PTPRD: variants seen among roughly 807,000 people sequenced by gnomAD.
PTPRD encodes receptor-type tyrosine-protein phosphatase delta.
A neutral mutation model predicts 214.5 loss-of-function variants in PTPRD; 34 were observed. That is an observed-to-expected ratio of 0.16 (90% CI 0.12 to 0.21). The LOEUF is 0.21. Among genes scored for constraint, PTPRD ranks in the 10% least tolerant of loss-of-function variants. The pLI is 1.00. For missense variants in PTPRD, 2,545 were observed against 2,398.7 expected, an observed-to-expected ratio of 1.06 and a Z score of -1.27; for synonymous variants, 1,128 against 845.7, an observed-to-expected ratio of 1.33 and a Z score of -5.79.
chr9:10,369,796 A>G (rs1402526845), intron 2 of PTPRD, among the ~76,000 whole-genome samples: 1 of 152,106 alleles, frequency 6.6e-6, no homozygotes, highest in Non-Finnish European at 1.5e-5. Context: ...TGAGCTACAC[A>G]GCACATTAGA....
intron 11 of PTPRD, among the ~76,000 whole-genome samples, chr9:8,777,167 T>C (rs1323760181): frequency 6.6e-6 from 1 of 151,592 alleles, no homozygotes; most frequent in Non-Finnish European, 1.5e-5. Flanking sequence ...TTTTTAGAGA[T>C]GGGGGTCTTA....
At chr9:8,746,565 G>T (rs1266785162) in intron 11 of PTPRD, among the ~76,000 whole-genome samples, 2 of 152,132 alleles carry the variant, frequency 1.3e-5, no homozygotes, top group Non-Finnish European at 2.9e-5. Flanking sequence ...GGAGTTTAAA[G>T]TCATTAAAAG....
At chr9:10,293,674 A>T (rs1207095597) in intron 3 of PTPRD, among the ~76,000 whole-genome samples, 1 of 151,972 alleles carries the variant, frequency 6.6e-6, no homozygotes, top group Non-Finnish European at 1.5e-5. Flanking sequence ...AAAAGCTTAA[A>T]TTATACATCC....
At chr9:9,883,884 G>C (rs542184876) in intron 5 of PTPRD, among the ~76,000 whole-genome samples, 34 of 152,180 alleles carry the variant, frequency 2.2e-4, no homozygotes, top group African/African-American at 7.9e-4. Flanking sequence ...CAGAAATAAT[G>C]TTCAATGAAA....
chr9:10,521,848 CTACAG>C (rs1299335189), intron 2 of PTPRD, among the ~76,000 whole-genome samples: 1 of 152,076 alleles, frequency 6.6e-6, no homozygotes, highest in Admixed American at 6.6e-5. Flanking sequence ...AATTAATAGG[CTACAG>C]TATAGTTTAG....
chr9:10,202,071 A>C (rs1035389083), intron 3 of PTPRD, among the ~76,000 whole-genome samples: 2 of 152,112 alleles, frequency 1.3e-5, no homozygotes, highest in Non-Finnish European at 2.9e-5. Flanking sequence ...GTGTTTTCAA[A>C]TAGAGGCTGT....
chr9:9,923,543 A>G (rs2083273994), intron 5 of PTPRD, among the ~76,000 whole-genome samples: 1 of 152,018 alleles, frequency 6.6e-6, no homozygotes, highest in Non-Finnish European at 1.5e-5. Context: ...CAAGAATTTC[A>G]GAAATGCTTA....
intron 8 of PTPRD, among the ~76,000 whole-genome samples, chr9:9,524,927 G>T (rs779773503): frequency 6.6e-6 from 1 of 152,122 alleles, no homozygotes; most frequent in Non-Finnish European, 1.5e-5. Flanking sequence ...GCGCAATCTC[G>T]GCTCACTGCA....
intron 7 of PTPRD, among the ~76,000 whole-genome samples, chr9:9,592,078 T>C (rs2092789140): frequency 6.6e-6 from 1 of 152,082 alleles, no homozygotes; most frequent in Admixed American, 6.6e-5. Flanking sequence ...TTCTTAAGGC[T>C]TTTTTCAATA....
chr9:8,531,285 T>A (rs1376346506), intron 14 of PTPRD, among the ~76,000 whole-genome samples: 5 of 152,082 alleles, frequency 3.3e-5, no homozygotes, highest in African/African-American at 1.2e-4. Context: ...GTTTTAATAA[T>A]CTATTCCACA....
Position 8,797,152 on chromosome 9 carries a change from G to A in PTPRD, c.-103-63206C>T, listed in dbSNP as rs746876571. ...GTTATAAAATAAATTCAAGCTTTTC[G>A]AATTTGTCTAGCAGGCTTTCCAATT... On this transcript the variant is annotated intron_variant, in intron 11 of 45. Transcript: ENST00000381196. 4.6e-5 allele frequency: 7 copies of A among 152,120 alleles called. No individual in the cohort carries two copies. The East Asian group carries it at 5.8e-4, about 13-fold the overall frequency. 9.4% of individuals were successfully genotyped at this position (152,120 alleles called of 1,614,324 possible).
chr9:9,920,232 C>T (rs893232401), intron 5 of PTPRD, among the ~76,000 whole-genome samples: 1 of 152,036 alleles, frequency 6.6e-6, no homozygotes, highest in Non-Finnish European at 1.5e-5. Context: ...GTTTGTTTAC[C>T]TCAGCTTTTT....
Position 8,517,304 on chromosome 9 carries a change from C to A in PTPRD, c.1543+544G>T, listed in dbSNP as rs567300036. On this transcript the variant is annotated intron_variant, in intron 21 of 45. Coordinates refer to ENST00000381196, the MANE Select transcript of PTPRD (RefSeq NM_002839.4). The stretch of plus-strand genomic sequence containing the variant: ...TAATCAATCAGGCCCAATGTTCTAT[C>A]TGAGATCTCGGTAACTGTCTCTCTT... Among the ~76,000 whole-genome samples, 7 of 152,254 alleles carry A rather than the reference C, an allele frequency of 4.6e-5. No homozygotes were observed. The East Asian group carries it at 1.2e-3, about 25-fold the overall frequency.
chr9:9,545,988 T>C (rs1031602086), intron 8 of PTPRD, among the ~76,000 whole-genome samples: 8 of 151,902 alleles, frequency 5.3e-5, no homozygotes, highest in African/African-American at 1.7e-4. Flanking sequence ...GTTTCTCACA[T>C]AGATCTTGTC....
chr9:9,381,781 T>C (rs2062369047), intron 9 of PTPRD, among the ~76,000 whole-genome samples: 1 of 152,044 alleles, frequency 6.6e-6, no homozygotes, highest in South Asian at 2.1e-4. Flanking sequence ...TATAGCTTTG[T>C]TATGTATTTT....
At chr9:8,560,108 G>C (rs2085569831) in intron 14 of PTPRD, among the ~76,000 whole-genome samples, 1 of 152,136 alleles carries the variant, frequency 6.6e-6, no homozygotes. Flanking sequence ...AGTGAGGAAA[G>C]AATTATGTTT....
intron 10 of PTPRD, among the ~76,000 whole-genome samples, chr9:9,057,631 C>T (rs1056340905): frequency 2.0e-5 from 3 of 151,436 alleles, no homozygotes; most frequent in Non-Finnish European, 2.9e-5. Flanking sequence ...AATAATTTCT[C>T]GTAAAGTACA....
intron 43 of PTPRD, among the ~76,000 whole-genome samples, chr9:8,336,835 A>G (rs1047137582): frequency 9.9e-5 from 15 of 152,180 alleles, no homozygotes; most frequent in African/African-American, 3.4e-4. Context: ...GATGCGGCAG[A>G]CAAACATATG....
intron 11 of PTPRD, among the ~76,000 whole-genome samples, chr9:8,951,160 A>AGTGTGTGTGTGT (rs746693477): frequency 3.8e-3 from 77 of 20,004 alleles, no homozygotes; most frequent in African/African-American, 7.8e-3. Context: ...TGTGTGTGTA[A>AGTGTGTGTGTGT]GAGAGAGAGA....
Sources: allele counts gnomAD v4.1 joint callset (sites outside exome capture counted in the v4.1 genomes callset), GRCh38; gene constraint gnomAD v4.1.1; transcripts MANE v1.5; gene names NCBI Gene and HGNC (gene_info 2026-07-23, HGNC 2026-07-21).